Variants in SPOCK1 observed in about 807,000 individuals in gnomAD.
The protein encoded by SPOCK1 is testican-1.
Under a neutral mutation model 55.3 loss-of-function variants are expected in SPOCK1, and 23 were observed. The observed-to-expected ratio is 0.42, with a 90% CI of 0.30 to 0.59. The LOEUF (loss-of-function observed/expected upper bound fraction) is 0.59, where lower values mean the gene tolerates loss of function less well. SPOCK1 is among the 20% of genes least tolerant of loss of function. The pLI is 0.22. For missense variants in SPOCK1, 499 were observed against 552.5 expected, an observed-to-expected ratio of 0.90 and a Z score of 0.97; for synonymous variants, 226 against 221.0, an observed-to-expected ratio of 1.02 and a Z score of -0.20.
chr5:137,402,587 T>C (rs1484219731), intron 2 of SPOCK1, among the ~76,000 whole-genome samples: 1 of 152,178 alleles, frequency 6.6e-6, no homozygotes, highest in Non-Finnish European at 1.5e-5. Flanking sequence ...ACGGTGTGAA[T>C]GCTGGGGTTG....
chr5:137,369,520 C>T (rs1751152438), intron 2 of SPOCK1, among the ~76,000 whole-genome samples: 1 of 152,168 alleles, frequency 6.6e-6, no homozygotes, highest in African/African-American at 2.4e-5. Flanking sequence ...CTGTTATCCC[C>T]AGATTGACCT....
chr5:137,387,661 CACA>C (rs1309448848), intron 2 of SPOCK1, among the ~76,000 whole-genome samples: 4 of 152,106 alleles, frequency 2.6e-5, no homozygotes, highest in Non-Finnish European at 4.4e-5. Flanking sequence ...CCATAAAATG[CACA>C]ACACCAAGAG....
intron 3 of SPOCK1, among the ~76,000 whole-genome samples, chr5:137,192,250 A>G (rs4976418): frequency 0.22 from 31,898 of 147,730 alleles, 3,857 homozygotes; most frequent in African/African-American, 0.28. Flanking sequence ...AAAAAAAAAA[A>G]AAAAAGAAAA....
intron 4 of SPOCK1, among the ~76,000 whole-genome samples, chr5:137,133,655 G>A (rs1406112030): frequency 6.6e-6 from 1 of 152,146 alleles, no homozygotes; most frequent in Middle Eastern, 3.4e-3. Flanking sequence ...CAAACAGCTA[G>A]GTCCTTAACC....
intron 3 of SPOCK1, among the ~76,000 whole-genome samples, chr5:137,237,050 TC>T (rs1756195000): frequency 6.6e-6 from 1 of 152,222 alleles, no homozygotes; most frequent in Non-Finnish European, 1.5e-5. Flanking sequence ...TATAATGACT[TC>T]ACCCAATTAG....
intron 6 of SPOCK1, among the ~76,000 whole-genome samples, chr5:137,009,045 C>G (rs950092160): frequency 6.6e-6 from 1 of 152,034 alleles, no homozygotes; most frequent in Non-Finnish European, 1.5e-5. Context: ...CTAAACATAA[C>G]TTTTTACTTC....
intron 2 of SPOCK1, among the ~76,000 whole-genome samples, chr5:137,301,281 G>C (rs1757583414): frequency 6.6e-6 from 1 of 152,214 alleles, no homozygotes. Context: ...GATCCCAGTA[G>C]ATGCCTGTGG....
At chr5:137,087,492 A>G (rs1752979604) in intron 5 of SPOCK1, among the ~76,000 whole-genome samples, 1 of 152,224 alleles carries the variant, frequency 6.6e-6, no homozygotes, top group Admixed American at 6.5e-5. Context: ...ACCATCATTA[A>G]TACTGTTATT....
At chr5:137,323,182 T>C (rs1197192523) in intron 2 of SPOCK1, among the ~76,000 whole-genome samples, 4 of 152,232 alleles carry the variant, frequency 2.6e-5, no homozygotes, top group Non-Finnish European at 5.9e-5. Context: ...TCCTTCCCTA[T>C]TGGTAATTAT....
intron 3 of SPOCK1, among the ~76,000 whole-genome samples, chr5:137,205,807 C>T (rs577033020): frequency 1.3e-5 from 2 of 152,358 alleles, no homozygotes; most frequent in African/African-American, 2.4e-5. Context: ...AAAGGAACAT[C>T]TAACTGAGTT....
chr5:137,263,776 A>G (rs1654665137), intron 3 of SPOCK1, among the ~76,000 whole-genome samples: 1 of 152,312 alleles, frequency 6.6e-6, no homozygotes, highest in African/African-American at 2.4e-5. Context: ...TAATCTCAGG[A>G]AGAATTCTTA....
At chr5:137,355,076 G>A (rs1409766187) in intron 2 of SPOCK1, among the ~76,000 whole-genome samples, 1 of 151,742 alleles carries the variant, frequency 6.6e-6, no homozygotes, top group East Asian at 1.9e-4. Flanking sequence ...CTAATTTTTT[G>A]TATTTTAGTA....
At chr5:137,120,349 C>T (rs1003334500) in intron 4 of SPOCK1, among the ~76,000 whole-genome samples, 1 of 152,188 alleles carries the variant, frequency 6.6e-6, no homozygotes, top group Non-Finnish European at 1.5e-5. Flanking sequence ...AGAGCATAAT[C>T]AGGCCCACCA....
intron 6 of SPOCK1, among the ~76,000 whole-genome samples, chr5:137,053,307 G>T (rs1219198150): frequency 6.6e-6 from 1 of 152,088 alleles, no homozygotes; most frequent in South Asian, 2.1e-4. Flanking sequence ...GCCACCCAGA[G>T]AGTGTAGAGG....
intron 3 of SPOCK1, among the ~76,000 whole-genome samples, chr5:137,146,173 C>T (rs10463956): frequency 0.21 from 31,965 of 152,152 alleles, 3,730 homozygotes; most frequent in East Asian, 0.39. Context: ...CGCCAAATGA[C>T]AGAGGACATC....
At chr5:137,409,381 G>A (rs953723261) in intron 2 of SPOCK1, among the ~76,000 whole-genome samples, 1 of 152,202 alleles carries the variant, frequency 6.6e-6, no homozygotes, top group Non-Finnish European at 1.5e-5. Flanking sequence ...TGGAGAGGGA[G>A]GCTGCCATGG....
At chr5:137,256,030 C>T (rs1403764560) in intron 3 of SPOCK1, among the ~76,000 whole-genome samples, 4 of 152,214 alleles carry the variant, frequency 2.6e-5, no homozygotes, top group Non-Finnish European at 5.9e-5. Flanking sequence ...GAATTACCCA[C>T]ACCCTCCTGG....
intron 2 of SPOCK1, chr5:137,365,197 T>A (rs1751031960): frequency 6.6e-6 from 1 of 152,288 alleles, no homozygotes. Context: ...GGATCTCCAC[T>A]AAGACCTTCC....
At position 137,266,002 on chromosome 5, in the gene SPOCK1, T is replaced by G. The variant is rs538825891; in HGVS notation, c.232+1008A>C. 1.7e-4 allele frequency among the ~76,000 whole-genome samples: 26 copies of G among 152,304 alleles called. No individual in the cohort carries two copies. The South Asian group carries it at 5.0e-3, about 29-fold the overall frequency. ...TGAATGAAAAAATTGTTACACTACT[T>G]CAAAGCCTATGATAAATGTATATAT... On this transcript the variant is annotated intron_variant, in intron 3 of 10. Coordinates refer to ENST00000394945, the MANE Select transcript of SPOCK1 (RefSeq NM_004598.4).
Sources: gnomAD v4.1 joint callset for allele counts (sites outside exome capture counted in the v4.1 genomes callset) on GRCh38, gnomAD v4.1.1 for gene constraint, MANE v1.5 for transcripts, NCBI Gene and HGNC (gene_info 2026-07-23, HGNC 2026-07-21) for gene names.